PKHD1: variants seen among roughly 807,000 people sequenced by gnomAD.
The protein encoded by PKHD1 is fibrocystin.
PKHD1 carries 291 observed loss-of-function variants against 412.0 expected under a neutral mutation model. The ratio of observed to expected loss-of-function variants is 0.71; its 90% CI spans 0.64 to 0.78. The LOEUF (loss-of-function observed/expected upper bound fraction) is 0.78, where lower values mean the gene tolerates loss of function less well. Among genes scored for constraint, PKHD1 ranks in the 30% least tolerant of loss-of-function variants. The pLI, the probability that PKHD1 is intolerant of heterozygous loss-of-function variation, is 0.00. For synonymous variants in PKHD1, 1,777 were observed against 1,821.5 expected (o/e 0.98, Z 0.62); for missense variants, 4,825 against 4,950.7 (o/e 0.97, Z 0.76).
chr6:51,811,717 G>A (rs1159374220), intron 52 of PKHD1, among the ~76,000 whole-genome samples: 3 of 151,984 alleles, frequency 2.0e-5, no homozygotes, highest in Admixed American at 6.6e-5. Flanking sequence ...CATCCAAAAC[G>A]CTAAGGATAG....
chr6:51,852,853 C>G (rs997245380), intron 49 of PKHD1, among the ~76,000 whole-genome samples: 2 of 151,958 alleles, frequency 1.3e-5, no homozygotes, highest in African/African-American at 4.8e-5. Context: ...GGGTGCCTGA[C>G]TCCTTATCCA....
chr6:51,713,745 G>A (rs1163748287), intron 60 of PKHD1, among the ~76,000 whole-genome samples: 3 of 152,054 alleles, frequency 2.0e-5, no homozygotes, highest in Non-Finnish European at 4.4e-5. Context: ...AGACTCTAGT[G>A]TCCAAGTTCA....
chr6:51,946,991 T>A (rs1266907), intron 36 of PKHD1, among the ~76,000 whole-genome samples: 107,234 of 152,152 alleles, frequency 0.7, 38,277 homozygotes, highest in East Asian at 0.94. Flanking sequence ...AGAAAAAATT[T>A]AAGTATAAAT....
At chr6:52,066,128 T>C (rs775526654) in intron 11 of PKHD1, 51 bp from the exon 12 acceptor site, 3 of 808,248 alleles carry the variant, frequency 3.7e-6, no homozygotes, top group Non-Finnish European at 6.4e-6. Flanking sequence ...TAGACCAGAA[T>C]ATGACCTAGA....
At chr6:51,696,573 T>A (rs572217297) in intron 60 of PKHD1, among the ~76,000 whole-genome samples, 79 of 152,312 alleles carry the variant, frequency 5.2e-4, no homozygotes, top group African/African-American at 1.9e-3. Flanking sequence ...CTGTTTTCTA[T>A]CTCATTATAA....
chr6:51,931,761 T>C (rs1786629253), intron 37 of PKHD1, among the ~76,000 whole-genome samples: 1 of 151,972 alleles, frequency 6.6e-6, no homozygotes, highest in South Asian at 2.1e-4. Context: ...CTGTCCTAAA[T>C]GCTTTGGGGA....
Position 51,848,119 on chromosome 6 carries a change from T to G in PKHD1, c.7912-149A>C, listed in dbSNP as rs1339688388. The G allele has an allele frequency of 1.2e-5, 8 of 663,826 alleles. No individual in the cohort carries two copies. In the Admixed American group the frequency reaches 1.8e-4, roughly 15 times the overall value. The allele number at this position is 663,826 out of a possible 1,614,324, so 41.1% of individuals were successfully genotyped here. A position where few individuals can be genotyped will look rare whatever the true frequency, so the allele number is the denominator to read the frequency against. ...TACAATTTAGACCCAGATTGTACTT[T>G]TCTTGTGGGAAATGGGAATACTTAA... is the stretch of plus-strand genomic sequence containing the variant. On this transcript the variant is annotated intron_variant, in intron 49 of 66. Transcript: ENST00000371117.
intron 43 of PKHD1, among the ~76,000 whole-genome samples, chr6:51,898,481 A>C (rs1293129968): frequency 2.0e-5 from 3 of 147,264 alleles, no homozygotes; most frequent in Non-Finnish European, 3.0e-5. Context: ...ACAAAGACAC[A>C]ACATACCAGA....
intron 52 of PKHD1, among the ~76,000 whole-genome samples, chr6:51,800,436 C>A (rs938627406): frequency 6.6e-6 from 1 of 152,156 alleles, no homozygotes; most frequent in African/African-American, 2.4e-5. Context: ...ATTAACTAGC[C>A]TCAAGACCAG....
intron 35 of PKHD1, among the ~76,000 whole-genome samples, chr6:51,992,223 C>G (rs1797124120): frequency 6.6e-6 from 1 of 152,152 alleles, no homozygotes; most frequent in African/African-American, 2.4e-5. Flanking sequence ...TAATGTTACC[C>G]CTTCCCATTA....
chr6:51,820,196 A>C (rs1766150350), intron 52 of PKHD1, among the ~76,000 whole-genome samples: 1 of 152,164 alleles, frequency 6.6e-6, no homozygotes, highest in Non-Finnish European at 1.5e-5. Context: ...TGTGTTCCAA[A>C]AGGAAACACC....
At chr6:51,797,001 A>G (rs897733258) in intron 52 of PKHD1, among the ~76,000 whole-genome samples, 3 of 151,988 alleles carry the variant, frequency 2.0e-5, no homozygotes, top group African/African-American at 7.3e-5. Context: ...TTTAGTAAAG[A>G]CAGGGTTTCA....
At position 52,033,060 on chromosome 6, in the gene PKHD1, T is replaced by TC; in HGVS notation, c.3333dup (p.Thr1112AspfsTer13). On this transcript the variant is annotated frameshift_variant, in exon 29 of 67. Coordinates refer to ENST00000371117, the MANE Select transcript of PKHD1 (RefSeq NM_138694.4). LOFTEE classifies it high-confidence loss of function. Reference sequence around the variant, plus strand: ...ATATTGCTTATGTTTCTGCTCAGAGTCACAATAACTGGATTTAAGGAAGAG... The same window carrying TC: ...ATATTGCTTATGTTTCTGCTCAGAGTCCACAATAACTGGATTTAAGGAAGAG... 1 of 1,612,420 alleles carries TC rather than the reference T, an allele frequency of 6.2e-7. No individual in the cohort carries two copies. The highest frequency in any genetic ancestry group is 8.5e-7 in the Non-Finnish European group (1 of 1,178,620).
At chr6:51,970,236 T>C (rs1302110102) in intron 35 of PKHD1, among the ~76,000 whole-genome samples, 3 of 152,240 alleles carry the variant, frequency 2.0e-5, no homozygotes, top group Non-Finnish European at 2.9e-5. Context: ...TTCTGTGTCT[T>C]CCTCTAAAAA....
chr6:51,616,832 A>C lies in PKHD1; in HGVS notation c.*2249T>G, dbSNP rs1766108666. 2.5e-6 allele frequency: 1 copy of C among 394,316 alleles called. No individual in the cohort carries two copies. The allele number at this position is 394,316 out of a possible 1,614,324, so 24.4% of individuals were successfully genotyped here. On this transcript the variant is annotated 3_prime_UTR_variant, in exon 67 of 67. Coordinates refer to ENST00000371117, the MANE Select transcript of PKHD1 (RefSeq NM_138694.4). ...GATAATAAAAATTGGAAGAAGGGTA[A>C]AGAAGGGGCAGAAATAACAGAGCTG...
intron 50 of PKHD1, among the ~76,000 whole-genome samples, chr6:51,842,289 TG>T (rs1562440052): frequency 6.6e-6 from 1 of 152,122 alleles, no homozygotes. Flanking sequence ...GGAGGGCAAC[TG>T]TGAATGGCAC....
intron 52 of PKHD1, among the ~76,000 whole-genome samples, chr6:51,813,379 G>C (rs1764984191): frequency 6.6e-6 from 1 of 152,076 alleles, no homozygotes; most frequent in Non-Finnish European, 1.5e-5. Flanking sequence ...GTACATTGTT[G>C]CTAGTACTAC....
intron 55 of PKHD1, among the ~76,000 whole-genome samples, chr6:51,755,930 T>C (rs897297615): frequency 7.3e-5 from 11 of 151,522 alleles, no homozygotes; most frequent in Non-Finnish European, 1.6e-4. Context: ...AGCACATATC[T>C]TTAAAGAGTC....
intron 43 of PKHD1, among the ~76,000 whole-genome samples, chr6:51,900,499 A>C (rs1708762040): frequency 6.6e-6 from 1 of 152,256 alleles, no homozygotes; most frequent in African/African-American, 2.4e-5. Context: ...TCACTTCCTT[A>C]CACCTTATTC....
Sources: allele counts gnomAD v4.1 joint callset (sites outside exome capture counted in the v4.1 genomes callset), GRCh38; gene constraint gnomAD v4.1.1; transcripts MANE v1.5; gene names NCBI Gene and HGNC (gene_info 2026-07-23, HGNC 2026-07-21).